Variants in PDGFRB observed in about 807,000 individuals in gnomAD.
PDGFRB encodes platelet-derived growth factor receptor beta.
Under a neutral mutation model 120.2 loss-of-function variants are expected in PDGFRB, and 42 were observed. The ratio of observed to expected loss-of-function variants is 0.35; its 90% CI spans 0.27 to 0.45. The LOEUF is 0.45. Among genes scored for constraint, PDGFRB ranks in the 20% least tolerant of loss-of-function variants. The pLI, the probability that PDGFRB is intolerant of heterozygous loss-of-function variation, is 1.00. For synonymous variants in PDGFRB, 586 were observed against 606.8 expected, an observed-to-expected ratio of 0.97 and a Z score of 0.50; for missense variants, 1,149 against 1,476.3, an observed-to-expected ratio of 0.78 and a Z score of 3.63.
In PDGFRB at chr5:150,155,655, G is replaced by T; in HGVS notation, c.-265C>A. On this transcript the variant is annotated 5_prime_UTR_variant, in exon 1 of 23. Coordinates refer to ENST00000261799, the MANE Select transcript of PDGFRB (RefSeq NM_002609.4). Reference sequence around the variant, plus strand: ...TCACTCCCCAAGCATCCTTCGGGAGGAGCAGAGCCGCCAGAGGGGCCGCCC... The same window carrying T: ...TCACTCCCCAAGCATCCTTCGGGAGTAGCAGAGCCGCCAGAGGGGCCGCCC... The T allele has an allele frequency of 2.5e-6, 1 of 398,722 alleles. No homozygotes were observed. The highest frequency in any genetic ancestry group is 4.4e-6 in the Non-Finnish European group (1 of 226,132). 24.7% of individuals were successfully genotyped at this position (398,722 alleles called of 1,614,324 possible). A position where few individuals can be genotyped will look rare whatever the true frequency, so the allele number is the denominator to read the frequency against.
intron 10 of PDGFRB, among the ~76,000 whole-genome samples, chr5:150,127,197 G>C (rs1046058376): frequency 6.6e-6 from 1 of 152,190 alleles, no homozygotes; most frequent in African/African-American, 2.4e-5. Flanking sequence ...AGTGGTGACG[G>C]TAGTTAACAA....
chr5:150,147,286 G>A lies in PDGFRB; in HGVS notation c.-7+8111C>T, dbSNP rs534728647. Among the ~76,000 whole-genome samples, 9 of 152,270 alleles carry A rather than the reference G, an allele frequency of 5.9e-5. No individual in the cohort carries two copies. The South Asian group carries it at 1.7e-3, about 28-fold the overall frequency. The stretch of plus-strand genomic sequence containing the variant: ...CCCCACCCCCCAGAGCCTCATCTCC[G>A]GCCGGTGCCATGGCAACAGGGAGTG... On this transcript the variant is annotated intron_variant, in intron 1 of 22. Coordinates refer to ENST00000261799, the MANE Select transcript of PDGFRB (RefSeq NM_002609.4).
In PDGFRB at chr5:150,133,790, A is replaced by G. The variant is rs374335408; in HGVS notation, c.760-30T>C. On this transcript the variant is annotated intron_variant, in intron 5 of 22. Coordinates refer to ENST00000261799, the MANE Select transcript of PDGFRB (RefSeq NM_002609.4). ...AGCAACAGGTTGGGCAGGCCCCCCA[A>G]ATCAGGAGGGGCCGGGGAGAAATCA... 2.6e-5 allele frequency: 42 copies of G among 1,612,216 alleles called. 1 individual carries two copies. The Middle Eastern group carries it at 6.6e-4, about 25-fold the overall frequency.
rs138324883 is a variant in PDGFRB, at chr5:150,116,037, T to C, written c.3138-91A>G. 0.016 allele frequency: 17,225 copies of C among 1,110,978 alleles called. 197 individuals carry two copies. The highest frequency in any genetic ancestry group is 0.02 in the Non-Finnish European group (15,428 of 782,868). 68.8% of individuals were successfully genotyped at this position (1,110,978 alleles called of 1,614,324 possible). ...GAAGAGCCTTCGGTGTGTCCACCCCTGCACCGTAGGCTTCACACACTCCGG... is the reference window on the plus strand; with the variant it reads ...GAAGAGCCTTCGGTGTGTCCACCCCCGCACCGTAGGCTTCACACACTCCGG... On this transcript the variant is annotated intron_variant, in intron 22 of 22. Transcript: ENST00000261799.
In PDGFRB at chr5:150,122,018, T is replaced by C. The variant is rs2113891378; in HGVS notation, c.2206A>G (p.Ser736Gly). 2.5e-6 allele frequency: 4 copies of C among 1,613,522 alleles called. No individual in the cohort carries two copies. Among genetic ancestry groups the C allele is most frequent in the East Asian group, 4.5e-5 (2 of 44,874 alleles). ...CTCATGTCCATGTAGCCACCGTCGCTCTCCCCGGTCAAGGACACATGGCTG... is the reference window on the plus strand; with the variant it reads ...CTCATGTCCATGTAGCCACCGTCGCCCTCCCCGGTCAAGGACACATGGCTG... ...LPSHVSLTGESDGGYMDMSKD... is the reference protein window; with the variant it reads ...LPSHVSLTGEGDGGYMDMSKD... The change falls in exon 16 of 23, where the codon AGC (serine) becomes GGC (glycine). Residue 736 changes from serine (S) to glycine (G), a missense_variant. This residue lies in a region of PDGFRB where 879 missense variants were observed against 1,108.6 expected (regional missense o/e 0.79). Coordinates refer to ENST00000261799, the MANE Select transcript of PDGFRB (RefSeq NM_002609.4).
At chr5:150,134,605 T>C (rs999663596) in intron 4 of PDGFRB, 145 bp downstream of exon 4, 2 of 748,992 alleles carry the variant, frequency 2.7e-6, no homozygotes, top group Non-Finnish European at 4.3e-6. Flanking sequence ...TTCTGTAACA[T>C]GGGGAAAACA....
intron 11 of PDGFRB, 88 bp from the exon 12 acceptor site, chr5:150,125,665 A>G: frequency 7.6e-7 from 1 of 1,320,854 alleles, no homozygotes; most frequent in Non-Finnish European, 1.1e-6. Flanking sequence ...CACATGGGGC[A>G]GGAGACCCTG....
chr5:150,117,542 G>A lies in PDGFRB; in HGVS notation c.3137+76C>T, dbSNP rs112938568. The A allele has an allele frequency of 0.032, 14,675 of 459,890 alleles. 91 individuals carry two copies. The highest frequency in any genetic ancestry group is 0.04 in the Non-Finnish European group (10,932 of 272,302). 28.5% of individuals were successfully genotyped at this position (459,890 alleles called of 1,614,324 possible). Reference sequence around the variant, plus strand: ...CAAACCTGGCAGCGCGCGCGCGCGCGCGCACACACACACACACACACACAC... The same window carrying A: ...CAAACCTGGCAGCGCGCGCGCGCGCACGCACACACACACACACACACACAC... On this transcript the variant is annotated intron_variant, in intron 22 of 22. Transcript: ENST00000261799.
chr5:150,149,362 C>T (rs908844808), intron 1 of PDGFRB, among the ~76,000 whole-genome samples: 7 of 152,164 alleles, frequency 4.6e-5, no homozygotes, highest in African/African-American at 1.7e-4. Context: ...AAATTATTAA[C>T]AATTTCAAAA....
chr5:150,122,285 C>T, intron 15 of PDGFRB: 1 of 487,294 alleles, frequency 2.1e-6, no homozygotes, highest in Non-Finnish European at 3.7e-6. Context: ...TTACAGCACC[C>T]CAGGGCAAAG....
intron 4 of PDGFRB, 35 bp downstream of exon 4, chr5:150,134,715 C>T (rs929825159): frequency 6.3e-7 from 1 of 1,577,634 alleles, no homozygotes; most frequent in Non-Finnish European, 8.6e-7. Context: ...GTTATACTTG[C>T]CTCTGCTGAG....
At chr5:150,126,184 G>A (rs568017829) in intron 11 of PDGFRB, among the ~76,000 whole-genome samples, 353 of 152,280 alleles carry the variant, frequency 2.3e-3, no homozygotes, top group African/African-American at 8.3e-3. Context: ...GTTCTCCATG[G>A]GTGAGACCTG....
chr5:150,141,269 C>T (rs1474583777), intron 1 of PDGFRB, among the ~76,000 whole-genome samples: 1 of 152,356 alleles, frequency 6.6e-6, no homozygotes, highest in East Asian at 1.9e-4. Context: ...ATACAACATG[C>T]ACAGAACATG....
Position 150,124,753 on chromosome 5 carries a change from A to T in PDGFRB, c.1886T>A (p.Met629Lys). Reference sequence around the variant, plus strand: ...TTTAAGCATCTTGACGGCCACTTTCATCGTGGCCTGAGAATGGCTCAGGCC... The same window carrying T: ...TTTAAGCATCTTGACGGCCACTTTCTTCGTGGCCTGAGAATGGCTCAGGCC... Reference protein sequence around the residue: ...AHGLSHSQATMKVAVKMLKST... With the variant: ...AHGLSHSQATKKVAVKMLKST... Residue 629 changes from methionine (M) to lysine (K), a missense_variant, in exon 13 of 23, where the codon ATG (methionine) becomes AAG (lysine). Coordinates refer to ENST00000261799, the MANE Select transcript of PDGFRB (RefSeq NM_002609.4). 3 of 1,596,258 alleles carry T rather than the reference A, an allele frequency of 1.9e-6. No homozygotes were observed. Among genetic ancestry groups the T allele is most frequent in the Non-Finnish European group, 2.6e-6 (3 of 1,165,130 alleles).
In PDGFRB at chr5:150,117,527, A is replaced by AGCGCGCGCGC. The variant is rs148754488; in HGVS notation, c.3137+81_3137+90dup. 2.8e-5 allele frequency: 15 copies of AGCGCGCGCGC among 526,794 alleles called. No homozygotes were observed. In the African/African-American group the frequency reaches 3.0e-4, roughly 10 times the overall value. The allele number at this position is 526,794 out of a possible 1,614,324, so 32.6% of individuals were successfully genotyped here. On this transcript the variant is annotated intron_variant, in intron 22 of 22. Transcript: ENST00000261799. ...AACTTACCTCTGAGGCAAACCTGGC[A>AGCGCGCGCGC]GCGCGCGCGCGCGCGCGCACACACA...
chr5:150,149,532 C>T (rs1051580439), intron 1 of PDGFRB, among the ~76,000 whole-genome samples: 1 of 152,172 alleles, frequency 6.6e-6, no homozygotes, highest in Non-Finnish European at 1.5e-5. Flanking sequence ...CATCCACCCA[C>T]CCACCAATCC....
intron 1 of PDGFRB, among the ~76,000 whole-genome samples, chr5:150,145,014 G>A (rs1760882809): frequency 6.6e-6 from 1 of 152,106 alleles, no homozygotes; most frequent in Non-Finnish European, 1.5e-5. Context: ...CCACTAACAC[G>A]TGAATGTTCC....
In PDGFRB at chr5:150,135,711, G is replaced by C; in HGVS notation, c.208C>G (p.Pro70Ala). The part of the protein sequence containing the change: ...VVWERMSQEP[P>A]QEMAKAQDGT... ...TCCTGGGCCTTGGCCATTTCCTGTG[G>C]GGGCTCCTGGGACATCCGTTCCCAC... The change falls in exon 3 of 23, where the codon CCA becomes GCA. Residue 70 changes from proline (P) to alanine (A), a missense_variant. Physicochemically the swap from Pro to Ala is conservative, Grantham distance 27. Coordinates refer to ENST00000261799, the MANE Select transcript of PDGFRB (RefSeq NM_002609.4). 1 of 1,614,154 alleles carries C rather than the reference G, an allele frequency of 6.2e-7. No individual in the cohort carries two copies. Among genetic ancestry groups the C allele is most frequent in the Non-Finnish European group, 8.5e-7 (1 of 1,180,008 alleles).
In PDGFRB at chr5:150,132,052, C is replaced by T; in HGVS notation, c.1170G>A (p.Glu390=). The T allele has an allele frequency of 1.2e-6, 2 of 1,611,858 alleles. No individual in the cohort carries two copies. Among genetic ancestry groups the T allele is most frequent in the African/African-American group, 1.3e-5 (1 of 74,986 alleles). ...AGGCCCGCATGGTGTAGTGGCCAGCCTCTGCCACCTTCACGCGAACCAGTG... is the reference window on the plus strand; with the variant it reads ...AGGCCCGCATGGTGTAGTGGCCAGCTTCTGCCACCTTCACGCGAACCAGTG... ...ELTLVRVKVA[E]AGHYTMRAFH... is the part of the protein sequence containing the mutation. Residue 390 remains glutamate (E), a synonymous_variant, in exon 8 of 23, where the codon GAG becomes GAA. Transcript: ENST00000261799. This position sits in a 1 kb window ranked among gnomAD's most constrained non-coding sequence, Gnocchi z 5.0.
Sources: allele counts gnomAD v4.1 joint callset (sites outside exome capture counted in the v4.1 genomes callset), GRCh38; gene constraint gnomAD v4.1.1; regional missense constraint gnomAD v4.1.1; non-coding constraint Gnocchi (gnomAD v3.1); transcripts MANE v1.5; gene names NCBI Gene and HGNC (gene_info 2026-07-23, HGNC 2026-07-21).